The following SLC8A1 variants were observed in gnomAD, a reference collection of about 807,000 sequenced individuals.
The protein encoded by SLC8A1 is sodium/calcium exchanger 1.
A neutral mutation model predicts 68.3 loss-of-function variants in SLC8A1; 18 were observed. That is an observed-to-expected ratio of 0.26 (90% CI 0.18 to 0.39). The LOEUF (loss-of-function observed/expected upper bound fraction) is 0.39. Ranked by LOEUF, SLC8A1 falls within the 10% of genes least tolerant of loss-of-function variation. The probability of loss-of-function intolerance (pLI) is 1.00; values close to 1 mark genes in which losing one functional copy is unlikely to be tolerated. For missense variants in SLC8A1, 985 were observed against 1,156.7 expected, an observed-to-expected ratio of 0.85 and a Z score of 2.15; for synonymous variants, 475 against 415.5, an observed-to-expected ratio of 1.14 and a Z score of -1.74.
rs151312336 is a variant in SLC8A1 at position 40,437,897 on chromosome 2, C to T, written c.-24-7593G>A. On this transcript the variant is annotated intron_variant, in intron 1 of 7. Coordinates refer to ENST00000406785, the Ensembl canonical transcript of SLC8A1. Reference sequence around the variant, plus strand: ...AAGGAGCTTGTATTCTAGTGGGGCACTGGCAGAATCAAGGAGTGAGTCCCT... The same window carrying T: ...AAGGAGCTTGTATTCTAGTGGGGCATTGGCAGAATCAAGGAGTGAGTCCCT... Among the ~76,000 whole-genome samples the T allele has an allele frequency of 2.9e-3, 443 of 152,206 alleles. 1 individual carries two copies. Among genetic ancestry groups the T allele is most frequent in the Non-Finnish European group, 5.3e-3 (358 of 67,998 alleles).
chr2:40,212,443 C>T (rs1046565761), intron 2 of SLC8A1, among the ~76,000 whole-genome samples: 5 of 152,008 alleles, frequency 3.3e-5, no homozygotes, highest in African/African-American at 1.2e-4. Context: ...TGCCACCATA[C>T]CCAGCTAATT....
rs576080701 is a variant in SLC8A1 at position 40,416,693 on chromosome 2, C to T, written c.1808+11780G>A. 7.9e-5 allele frequency among the ~76,000 whole-genome samples: 12 copies of T among 152,214 alleles called. No individual in the cohort carries two copies. In the South Asian group the frequency reaches 2.1e-3, roughly 26 times the overall value. On this transcript the variant is annotated intron_variant, in intron 2 of 7. Transcript: ENST00000406785. ...TCTGGTCTAGGTAGCGACCAACTAA[C>T]CAGACCAGTAGCCTAATGAGCCAAG...
At chr2:40,139,755 G>T in intron 6 of SLC8A1, 79 bp from the exon 10 acceptor site, 1 of 1,486,278 alleles carries the variant, frequency 6.7e-7, no homozygotes, top group Non-Finnish European at 9.2e-7. Flanking sequence ...CTCCTATCTA[G>T]GTCGGTCATC....
chr2:40,209,122 T>C (rs2056077911), intron 2 of SLC8A1: 1 of 152,120 alleles, frequency 6.6e-6, no homozygotes, highest in African/African-American at 2.4e-5. Flanking sequence ...GTATTTAGTA[T>C]GCTAGATGTG....
chr2:40,427,811 T>C (rs1352300912), intron 2 of SLC8A1, among the ~76,000 whole-genome samples: 1 of 152,162 alleles, frequency 6.6e-6, no homozygotes, highest in East Asian at 1.9e-4. Context: ...CAGGGTTTGT[T>C]TAATAAGGAT....
At chr2:40,447,605 AAAAG>A (rs1447265074) in intron 1 of SLC8A1, among the ~76,000 whole-genome samples, 8 of 133,930 alleles carry the variant, frequency 6.0e-5, no homozygotes, top group Non-Finnish European at 1.1e-4. Context: ...AAAAAAAAAA[AAAAG>A]AAAGAACATA....
At chr2:40,370,068 G>A (rs1036242528) in intron 2 of SLC8A1, among the ~76,000 whole-genome samples, 1 of 152,118 alleles carries the variant, frequency 6.6e-6, no homozygotes, top group African/African-American at 2.4e-5. Context: ...AATACAGGGA[G>A]ACATGGCATT....
intron 1 of SLC8A1, among the ~76,000 whole-genome samples, chr2:40,500,994 T>G (rs1260087199): frequency 6.6e-6 from 1 of 151,856 alleles, no homozygotes; most frequent in African/African-American, 2.4e-5. Flanking sequence ...GCTATATCTC[T>G]GATGTAATGT....
At chr2:40,226,738 T>C (rs948447233) in intron 2 of SLC8A1, among the ~76,000 whole-genome samples, 4 of 152,160 alleles carry the variant, frequency 2.6e-5, no homozygotes, top group Non-Finnish European at 4.4e-5. Flanking sequence ...GAGAAGCAAA[T>C]GCAGGCATCC....
intron 2 of SLC8A1, among the ~76,000 whole-genome samples, chr2:40,221,741 G>C (rs1055656325): frequency 3.3e-5 from 5 of 152,296 alleles, no homozygotes; most frequent in Admixed American, 2.6e-4. Context: ...TAGACAATCA[G>C]AGAGCCAAAT....
chr2:40,268,851 A>G lies in SLC8A1; in HGVS notation c.1809-90996T>C, dbSNP rs1233902491. Among the ~76,000 whole-genome samples, 3 of 152,164 alleles carry G rather than the reference A, an allele frequency of 2.0e-5. No individual in the cohort carries two copies. In the East Asian group the frequency reaches 5.8e-4, roughly 29 times the overall value. ...AAAACACATAAAACAAATTATCCCC[A>G]AAGGACAAAGTGTGGAATAAACTTG... On this transcript the variant is annotated intron_variant, in intron 2 of 7. Coordinates refer to ENST00000406785, the Ensembl canonical transcript of SLC8A1.
In SLC8A1 at chr2:40,312,155, A is replaced by G. The variant is rs537549757; in HGVS notation, c.1808+116318T>C. On this transcript the variant is annotated intron_variant, in intron 2 of 7. Transcript: ENST00000406785. ...GCAAGTCATCTCTGTCTTGTTGCAA[A>G]GTTTACAGGAACATCACCTCAATAA... Among the ~76,000 whole-genome samples, 7 of 152,254 alleles carry G rather than the reference A, an allele frequency of 4.6e-5. No individual in the cohort carries two copies. In the South Asian group the frequency reaches 1.4e-3, roughly 32 times the overall value.
chr2:40,435,793 G>C (rs2149807627), intron 1 of SLC8A1, among the ~76,000 whole-genome samples: 1 of 152,116 alleles, frequency 6.6e-6, no homozygotes, highest in Middle Eastern at 3.4e-3. Flanking sequence ...TTTTGTTTTT[G>C]AGACATAGTC....
intron 2 of SLC8A1, among the ~76,000 whole-genome samples, chr2:40,278,350 T>G (rs1476824746): frequency 6.6e-6 from 1 of 152,012 alleles, no homozygotes; most frequent in Non-Finnish European, 1.5e-5. Flanking sequence ...GCACCTGTAA[T>G]CCCAGCTACT....
At chr2:40,342,750 G>A (rs1395162614) in intron 2 of SLC8A1, among the ~76,000 whole-genome samples, 1 of 152,120 alleles carries the variant, frequency 6.6e-6, no homozygotes, top group Non-Finnish European at 1.5e-5. Flanking sequence ...AAGGTGCAGT[G>A]CCATTTACTT....
At chr2:40,314,896 G>T (rs527986730) in intron 2 of SLC8A1, among the ~76,000 whole-genome samples, 8 of 152,070 alleles carry the variant, frequency 5.3e-5, no homozygotes, top group Admixed American at 2.6e-4. Context: ...TGGTTTTACA[G>T]ATTTTTATCA....
At chr2:40,133,489 G>C (rs1173550968) in intron 7 of SLC8A1, among the ~76,000 whole-genome samples, 1 of 151,736 alleles carries the variant, frequency 6.6e-6, no homozygotes, top group Non-Finnish European at 1.5e-5. Context: ...GAATCCAAGG[G>C]ATAAAAGAAT....
intron 2 of SLC8A1, among the ~76,000 whole-genome samples, chr2:40,330,964 G>A (rs910925760): frequency 3.9e-5 from 6 of 152,136 alleles, no homozygotes; most frequent in Admixed American, 2.0e-4. Context: ...GAATAAAAAC[G>A]TCTCAAAAGA....
intron 2 of SLC8A1, among the ~76,000 whole-genome samples, chr2:40,308,292 C>G (rs1383895445): frequency 1.3e-5 from 2 of 152,192 alleles, no homozygotes; most frequent in Non-Finnish European, 2.9e-5. Flanking sequence ...ATAGAGCCTT[C>G]AGATCTGCAT....
Sources: gnomAD v4.1 joint callset for allele counts (sites outside exome capture counted in the v4.1 genomes callset) on GRCh38, gnomAD v4.1.1 for gene constraint, MANE v1.5 for transcripts, NCBI Gene and HGNC (gene_info 2026-07-23, HGNC 2026-07-21) for gene names.